Variants in ASIC2 observed in about 807,000 individuals in gnomAD.
ASIC2 encodes acid sensing ion channel subunit 2.
ASIC2 carries 25 observed loss-of-function variants against 57.3 expected under a neutral mutation model. The ratio of observed to expected loss-of-function variants is 0.44; its 90% CI spans 0.32 to 0.61. The LOEUF is 0.61. Among genes scored for constraint, ASIC2 ranks in the 20% least tolerant of loss-of-function variants. The probability of loss-of-function intolerance (pLI) is 0.06; values close to 1 mark genes in which losing one functional copy is unlikely to be tolerated. For synonymous variants in ASIC2, 319 were observed against 307.5 expected (o/e 1.04, Z -0.39); for missense variants, 641 against 738.1 (o/e 0.87, Z 1.52).
At chr17:33,916,664 G>A (rs1915592159) in intron 1 of ASIC2, among the ~76,000 whole-genome samples, 1 of 152,144 alleles carries the variant, frequency 6.6e-6, no homozygotes, top group Non-Finnish European at 1.5e-5. Flanking sequence ...ATGACCCAGT[G>A]CCTAAACTTG....
Position 33,458,339 on chromosome 17 carries a change from C to T in ASIC2, c.556-346272G>A, listed in dbSNP as rs566937939. ...ATGCAGCACAAAGGCTAGGGAGCCT[C>T]ATACTACTTGTTTGGGTAACTCAAG... On this transcript the variant is annotated intron_variant, in intron 1 of 9. Transcript: ENST00000359872. Among the ~76,000 whole-genome samples the T allele has an allele frequency of 2.6e-5, 4 of 152,310 alleles. No homozygotes were observed. The East Asian group carries it at 7.7e-4, about 29-fold the overall frequency.
At chr17:33,868,183 G>GTGTGTGTGTA (rs1156729466) in intron 1 of ASIC2, among the ~76,000 whole-genome samples, 1 of 87,544 alleles carries the variant, frequency 1.1e-5, no homozygotes, top group Non-Finnish European at 2.6e-5. Flanking sequence ...ACAAATGTAT[G>GTGTGTGTGTA]TGTGTGTGTG....
intron 1 of ASIC2, among the ~76,000 whole-genome samples, chr17:33,299,596 T>C (rs1905867152): frequency 6.6e-6 from 1 of 152,204 alleles, no homozygotes; most frequent in African/African-American, 2.4e-5. Flanking sequence ...GGGTCTTTTT[T>C]AGATGCACCA....
intron 1 of ASIC2, among the ~76,000 whole-genome samples, chr17:33,545,628 C>T (rs919330094): frequency 6.6e-6 from 1 of 152,110 alleles, no homozygotes; most frequent in East Asian, 1.9e-4. Flanking sequence ...TCATTCAATG[C>T]CCATTCTCTT....
At chr17:33,289,939 C>T (rs771194773) in intron 1 of ASIC2, among the ~76,000 whole-genome samples, 26 of 152,202 alleles carry the variant, frequency 1.7e-4, no homozygotes, top group Non-Finnish European at 3.4e-4. Context: ...GATCGCTGCC[C>T]TCATTCCTTC....
intron 1 of ASIC2, among the ~76,000 whole-genome samples, chr17:34,010,399 G>T (rs576983557): frequency 6.6e-6 from 1 of 152,166 alleles, no homozygotes; most frequent in African/African-American, 2.4e-5. Flanking sequence ...CCACTGGGCT[G>T]TATCCTGGGT....
intron 1 of ASIC2, chr17:33,534,141 G>A (rs1915148448): frequency 6.6e-6 from 1 of 152,098 alleles, no homozygotes; most frequent in South Asian, 2.1e-4. Flanking sequence ...CTCCCAAGAA[G>A]GTTAACATAA....
chr17:33,399,566 CA>C (rs1910207224), intron 1 of ASIC2, among the ~76,000 whole-genome samples: 2 of 152,222 alleles, frequency 1.3e-5, no homozygotes, highest in Admixed American at 6.5e-5. Context: ...GCCTGTTCCC[CA>C]CAGCATGCTG....
At chr17:33,392,846 A>T (rs902306473) in intron 1 of ASIC2, among the ~76,000 whole-genome samples, 3 of 152,220 alleles carry the variant, frequency 2.0e-5, no homozygotes, top group Non-Finnish European at 4.4e-5. Flanking sequence ...AGCAGAGACC[A>T]TAAATGTTCA....
At chr17:33,068,701 C>A (rs1312042215) in intron 3 of ASIC2, among the ~76,000 whole-genome samples, 2 of 152,052 alleles carry the variant, frequency 1.3e-5, no homozygotes, top group East Asian at 3.9e-4. Flanking sequence ...TGCTGTGTTG[C>A]CTCTCTCACT....
intron 1 of ASIC2, among the ~76,000 whole-genome samples, chr17:33,242,007 T>C (rs1908522884): frequency 6.6e-6 from 1 of 151,980 alleles, no homozygotes; most frequent in Non-Finnish European, 1.5e-5. Flanking sequence ...CCACTTTAAC[T>C]CCGAACCTAC....
At chr17:33,331,960 C>G (rs528048771) in intron 1 of ASIC2, among the ~76,000 whole-genome samples, 3 of 152,254 alleles carry the variant, frequency 2.0e-5, no homozygotes, top group Non-Finnish European at 4.4e-5. Flanking sequence ...ACATCATACC[C>G]TTCCCTGGAC....
intron 1 of ASIC2, among the ~76,000 whole-genome samples, chr17:34,155,250 G>A (rs1456304743): frequency 6.6e-6 from 1 of 152,032 alleles, no homozygotes; most frequent in Non-Finnish European, 1.5e-5. Context: ...GCATCTCCCT[G>A]ACCCTCTTGC....
intron 3 of ASIC2, among the ~76,000 whole-genome samples, chr17:33,054,921 A>C (rs2091992083): frequency 6.6e-6 from 1 of 152,128 alleles, no homozygotes; most frequent in South Asian, 2.1e-4. Context: ...AACACATTTC[A>C]TGCCACGCCA....
chr17:33,625,114 C>T (rs1905930985), intron 1 of ASIC2, among the ~76,000 whole-genome samples: 1 of 144,762 alleles, frequency 6.9e-6, no homozygotes, highest in East Asian at 2.0e-4. Context: ...TTATCAAAGA[C>T]AATGTGGCCT....
At chr17:33,150,849 C>CAAAAAAA (rs61602373) in intron 1 of ASIC2, among the ~76,000 whole-genome samples, 5 of 18,914 alleles carry the variant, frequency 2.6e-4, no homozygotes, top group African/African-American at 7.4e-4. Context: ...GACTCCGTCT[C>CAAAAAAA]AAAAAAAAAA....
At chr17:33,068,936 T>C (rs1181178777) in intron 3 of ASIC2, among the ~76,000 whole-genome samples, 1 of 152,186 alleles carries the variant, frequency 6.6e-6, no homozygotes, top group African/African-American at 2.4e-5. Context: ...GAGGTCATGA[T>C]TTAAGACTTT....
At chr17:33,437,721 A>G (rs1363007413) in intron 1 of ASIC2, among the ~76,000 whole-genome samples, 1 of 151,504 alleles carries the variant, frequency 6.6e-6, no homozygotes, top group Admixed American at 6.6e-5. Context: ...GCGTGAACCC[A>G]GGATGCGGAG....
Position 33,279,851 on chromosome 17 carries a change from A to G in ASIC2, c.708+11557T>C, listed in dbSNP as rs370097144. ...TAACCTTCTGAGCTTCGGTTTCCTC[A>G]TTGGTAAAATGGGTATAGCCCCAGA... is the stretch of plus-strand genomic sequence containing the variant. On this transcript the variant is annotated intron_variant, in intron 1 of 9. Transcript: ENST00000225823. 1.5e-3 allele frequency among the ~76,000 whole-genome samples: 221 copies of G among 152,268 alleles called. 5 individuals carry two copies. The South Asian group carries it at 0.042, about 29-fold the overall frequency.
Sources: gnomAD v4.1 joint callset for allele counts (sites outside exome capture counted in the v4.1 genomes callset) on GRCh38, gnomAD v4.1.1 for gene constraint, MANE v1.5 for transcripts, NCBI Gene and HGNC (gene_info 2026-07-23, HGNC 2026-07-21) for gene names.